Variants in IGF2R observed in about 807,000 individuals in gnomAD.
IGF2R encodes the protein insulin like growth factor 2 receptor.
A neutral mutation model predicts 270.6 loss-of-function variants in IGF2R; 91 were observed. That is an observed-to-expected ratio of 0.34 (90% confidence interval 0.28 to 0.40). The LOEUF is 0.40. IGF2R is among the 10% of genes least tolerant of loss of function. The pLI, the probability that IGF2R is intolerant of heterozygous loss-of-function variation, is 1.00. For synonymous variants in IGF2R, 1,316 were observed against 1,258.9 expected, an observed-to-expected ratio of 1.05 and a Z score of -0.96; for missense variants, 2,805 against 3,188.3, an observed-to-expected ratio of 0.88 and a Z score of 2.90.
chr6:159,987,014 T>C (rs1384438027), intron 1 of IGF2R, among the ~76,000 whole-genome samples: 1 of 152,228 alleles, frequency 6.6e-6, no homozygotes, highest in Non-Finnish European at 1.5e-5. Flanking sequence ...ATAATTTTAT[T>C]GCTTCTGAAA....
rs1450812761 is a variant in IGF2R, at chr6:160,064,487, C to T, written c.3973C>T (p.Arg1325Cys). The change falls in exon 28 of 48, where the codon CGC becomes TGC. Residue 1325 changes from arginine (R) to cysteine (C), a missense_variant. This residue lies in a region of IGF2R where 1,851 missense variants were observed against 2,207.2 expected (regional missense o/e 0.84). Coordinates refer to ENST00000356956, the MANE Select transcript of IGF2R (RefSeq NM_000876.4). ...GGACACTTGCCATAAGGTTTATCAGCGCTCCACAGCCATCTTCTTCTACTG... is the reference window on the plus strand; with the variant it reads ...GGACACTTGCCATAAGGTTTATCAGTGCTCCACAGCCATCTTCTTCTACTG... ...GGDTCHKVYQ[R>C]STAIFFYCDR... 11 of 1,613,956 alleles carry T rather than the reference C, an allele frequency of 6.8e-6. No individual in the cohort carries two copies. The highest frequency in any genetic ancestry group is 2.2e-5 in the East Asian group (1 of 44,878).
intron 10 of IGF2R, among the ~76,000 whole-genome samples, chr6:160,034,944 A>G (rs448116): frequency 0.046 from 6,975 of 152,196 alleles, 309 homozygotes; most frequent in Admixed American, 0.15. Context: ...TGGTGACCCT[A>G]TGGTAGAGTT....
At chr6:160,051,602 A>G (rs1199470520) in intron 19 of IGF2R, among the ~76,000 whole-genome samples, 2 of 152,150 alleles carry the variant, frequency 1.3e-5, no homozygotes, top group Non-Finnish European at 2.9e-5. Flanking sequence ...GAGGCTTGGT[A>G]TAGCTCAGGC....
chr6:159,996,787 C>T (rs1209016773), intron 2 of IGF2R, among the ~76,000 whole-genome samples: 1 of 152,244 alleles, frequency 6.6e-6, no homozygotes, highest in African/African-American at 2.4e-5. Context: ...CCAAAGCACA[C>T]ACATTTGTAG....
At chr6:160,033,453 G>C (rs958970690) in intron 9 of IGF2R, among the ~76,000 whole-genome samples, 1 of 152,246 alleles carries the variant, frequency 6.6e-6, no homozygotes, top group African/African-American at 2.4e-5. Flanking sequence ...TTTCAAGTGC[G>C]TTGTGTGTAT....
Position 160,084,380 on chromosome 6 carries a change from A to AGAGTGGGGGCAGGAGCTTTGGT in IGF2R, c.6068+199_6068+220dup. Among the ~76,000 whole-genome samples, 1 of 152,302 alleles carries AGAGTGGGGGCAGGAGCTTTGGT rather than the reference A, an allele frequency of 6.6e-6. No individual in the cohort carries two copies. The highest frequency in any genetic ancestry group is 2.4e-5 in the African/African-American group (1 of 41,562). The stretch of plus-strand genomic sequence containing the variant: ...TGGCACAGAGGGTGGTTCTGAGGTC[A>AGAGTGGGGGCAGGAGCTTTGGT]GAGTGGGGGCAGGAGCTTTGGTGAC... On this transcript the variant is annotated intron_variant, in intron 40 of 47. Transcript: ENST00000356956. The surrounding 1 kb of genome is among the most constrained non-coding windows in gnomAD (Gnocchi z 4.6).
intron 23 of IGF2R, 97 bp downstream of exon 23, chr6:160,060,814 G>T: frequency 8.8e-7 from 1 of 1,137,762 alleles, no homozygotes; most frequent in Non-Finnish European, 1.3e-6. Context: ...GTATATTTGT[G>T]TGTGTGTGGT....
rs760021495 is a variant in IGF2R at position 160,064,455 on chromosome 6, C to CG, written c.3949dup (p.Asp1317GlyfsTer5). On this transcript the variant is annotated frameshift_variant, in exon 28 of 48. Transcript: ENST00000356956. LOFTEE classifies it high-confidence loss of function. ...AATGGCTTGTTAAAAATGAACTTCA[C>CG]GGGGGGGGACACTTGCCATAAGGTT... 4.6e-5 allele frequency: 74 copies of CG among 1,611,140 alleles called. No individual in the cohort carries two copies. The highest frequency in any genetic ancestry group is 1.1e-4 in the African/African-American group (8 of 74,640).
chr6:160,079,473 C>T (rs1273780894), intron 37 of IGF2R, 107 bp from the exon 38 acceptor site: 9 of 761,692 alleles, frequency 1.2e-5, no homozygotes, highest in Non-Finnish European at 1.5e-5. Flanking sequence ...AGTCTTTGCT[C>T]TTCCTCATGA....
Position 160,080,262 on chromosome 6 carries a change from C to T in IGF2R, c.5820C>T (p.Gly1940=). ...ACTACGACAGAGACCACGAGTGGGG[C>T]TTCTGCAGACACTGTGAGTAGGACG... ...TADYDRDHEW[G]FCRHSNSYRT... is the part of the protein sequence containing the mutation. The change falls in exon 39 of 48, where the codon GGC becomes GGT. Residue 1940 remains glycine, a synonymous_variant. Transcript: ENST00000356956. The T allele has an allele frequency of 6.2e-7, 1 of 1,613,952 alleles. No homozygotes were observed.
chr6:160,085,909 C>G lies in IGF2R; in HGVS notation c.6205+778C>G, dbSNP rs1331427104. Among the ~76,000 whole-genome samples, 33 of 152,334 alleles carry G rather than the reference C, an allele frequency of 2.2e-4. 1 individual carries two copies. The highest frequency in any genetic ancestry group is 2.9e-5 in the Non-Finnish European group (2 of 68,032). The stretch of plus-strand genomic sequence containing the variant: ...CCCAGACCGCCAGCCTGAGACCCGC[C>G]CTCCCTGGGAGGTTCTTACTGCTTT... On this transcript the variant is annotated intron_variant, in intron 41 of 47. Coordinates refer to ENST00000356956, the MANE Select transcript of IGF2R (RefSeq NM_000876.4).
At chr6:160,091,979 T>C (rs1038918494) in intron 44 of IGF2R, among the ~76,000 whole-genome samples, 1 of 152,264 alleles carries the variant, frequency 6.6e-6, no homozygotes, top group African/African-American at 2.4e-5. Flanking sequence ...GGTTTACATA[T>C]GCTGCTCTTG....
intron 1 of IGF2R, among the ~76,000 whole-genome samples, chr6:159,987,446 C>T (rs575532231): frequency 6.6e-6 from 1 of 152,308 alleles, no homozygotes; most frequent in East Asian, 1.9e-4. Flanking sequence ...GGCTGGAGTG[C>T]AGTGGCACAA....
chr6:160,061,228 C>G (rs1212686684), intron 23 of IGF2R, among the ~76,000 whole-genome samples: 3 of 152,128 alleles, frequency 2.0e-5, no homozygotes, highest in Admixed American at 2.0e-4. Context: ...CCAGGCTGGC[C>G]TTGAACTCCT....
At position 160,078,202 on chromosome 6, in the gene IGF2R, G is replaced by A; in HGVS notation, c.5318G>A (p.Gly1773Glu). The A allele has an allele frequency of 6.2e-7, 1 of 1,613,990 alleles. No homozygotes were observed. Among genetic ancestry groups the A allele is most frequent in the Non-Finnish European group, 8.5e-7 (1 of 1,179,876 alleles). The change falls in exon 37 of 48, where the codon GGA becomes GAA. Residue 1773 changes from glycine (G) to glutamate (E), a missense_variant and splice_region_variant. By Grantham distance (98) the Gly-to-Glu change is moderately conservative. Transcript: ENST00000356956. Reference sequence around the variant, plus strand: ...GACCCGTGCTCTTCCTGGCAACAGGGAACGCCTAAGCTGTTAAGGACCAGC... The same window carrying A: ...GACCCGTGCTCTTCCTGGCAACAGGAAACGCCTAAGCTGTTAAGGACCAGC... ...AFHCKRGVSM[G>E]TPKLLRTSEC...
At position 160,009,011 on chromosome 6, in the gene IGF2R, T is replaced by C. The variant is rs949083207; in HGVS notation, c.291T>C (p.Gly97=). ...TCACTCTCTTTTCTCTCCAAATAGG[T>C]GACTCTGTTTTGAGAAGTGCAACCA... ...DLKTRTYHSV[G]DSVLRSATRS... is the part of the protein sequence containing the mutation. The change falls in exon 3 of 48, where the codon GGT becomes GGC. Residue 97 remains glycine, a splice_region_variant and synonymous_variant. Transcript: ENST00000356956. 2 of 1,613,976 alleles carry C rather than the reference T, an allele frequency of 1.2e-6. No individual in the cohort carries two copies. The highest frequency in any genetic ancestry group is 1.7e-6 in the Non-Finnish European group (2 of 1,179,884).
At position 160,050,814 on chromosome 6, in the gene IGF2R, G is replaced by GA. The variant is rs1178542388; in HGVS notation, c.2694+163dup. 6.6e-6 allele frequency among the ~76,000 whole-genome samples: 1 copy of GA among 152,200 alleles called. No individual in the cohort carries two copies. ...TGCGGTATATATGTTCACAGGCAGG[G>GA]AGTGATTTGTGGTACCTTCATGGCT... On this transcript the variant is annotated intron_variant, in intron 19 of 47. Coordinates refer to ENST00000356956, the MANE Select transcript of IGF2R (RefSeq NM_000876.4). This position sits in a 1 kb window ranked among gnomAD's most constrained non-coding sequence, Gnocchi z 4.0.
At chr6:160,064,258 A>G in intron 27 of IGF2R, 143 bp from the exon 28 acceptor site, 1 of 919,750 alleles carries the variant, frequency 1.1e-6, no homozygotes, top group Non-Finnish European at 1.8e-6. Flanking sequence ...GTGTAATGTG[A>G]CAGGAGTGCA....
chr6:160,012,331 C>G (rs1426466214), intron 4 of IGF2R, among the ~76,000 whole-genome samples: 1 of 152,012 alleles, frequency 6.6e-6, no homozygotes, highest in East Asian at 1.9e-4. Flanking sequence ...TGTTCATTCT[C>G]GCAGTGCTAT....
Sources: allele counts gnomAD v4.1 joint callset (sites outside exome capture counted in the v4.1 genomes callset), GRCh38; gene constraint gnomAD v4.1.1; regional missense constraint gnomAD v4.1.1; non-coding constraint Gnocchi (gnomAD v3.1); transcripts MANE v1.5; gene names NCBI Gene and HGNC (gene_info 2026-07-23, HGNC 2026-07-21).